TNNI3K: variants seen among roughly 807,000 people sequenced by gnomAD.
TNNI3K encodes the protein serine/threonine-protein kinase TNNI3K.
A neutral mutation model predicts 114.5 loss-of-function variants in TNNI3K; 140 were observed. The observed-to-expected ratio is 1.22, with a 90% confidence interval of 1.07 to 1.41. The LOEUF (loss-of-function observed/expected upper bound fraction) is 1.41. TNNI3K is among the 40% of genes most tolerant of loss of function. The pLI, the probability that TNNI3K is intolerant of heterozygous loss-of-function variation, is 0.00. For synonymous variants in TNNI3K, 347 were observed against 347.5 expected, an observed-to-expected ratio of 1.00 and a Z score of 0.02; for missense variants, 1,125 against 1,007.6, an observed-to-expected ratio of 1.12 and a Z score of -1.58.
chr1:74,492,878 T>C (rs527410721), intron 23 of TNNI3K, among the ~76,000 whole-genome samples: 2 of 152,306 alleles, frequency 1.3e-5, no homozygotes, highest in East Asian at 3.9e-4. Flanking sequence ...AAGCTGGAAG[T>C]CCAAGATCAG....
Position 74,382,171 on chromosome 1 carries a change from T to C in TNNI3K, c.1772+11779T>C, listed in dbSNP as rs114429478. 4.1e-3 allele frequency among the ~76,000 whole-genome samples: 625 copies of C among 152,324 alleles called. 8 individuals are homozygous for C. The highest frequency in any genetic ancestry group is 0.014 in the African/African-American group (572 of 41,586). On this transcript the variant is annotated intron_variant, in intron 17 of 24. Coordinates refer to ENST00000326637, the MANE Select transcript of TNNI3K (RefSeq NM_015978.3). ...GGAAGAATTCATCCTATCACACCTT[T>C]TTGATTCCCAAGAGACAATTCTCAA...
intron 5 of TNNI3K, among the ~76,000 whole-genome samples, chr1:74,288,047 C>T (rs1271189372): frequency 1.3e-5 from 2 of 152,040 alleles, no homozygotes; most frequent in Non-Finnish European, 2.9e-5. Context: ...GATATTACCC[C>T]ATACCATTAT....
chr1:74,301,266 G>A (rs1658315811), intron 5 of TNNI3K, among the ~76,000 whole-genome samples: 1 of 152,092 alleles, frequency 6.6e-6, no homozygotes, highest in South Asian at 2.1e-4. Context: ...CAGGCGTGGT[G>A]GTGCACGCCA....
At chr1:74,319,656 A>G (rs937673228) in intron 5 of TNNI3K, among the ~76,000 whole-genome samples, 1 of 152,300 alleles carries the variant, frequency 6.6e-6, no homozygotes, top group African/African-American at 2.4e-5. Context: ...TAGCAATGCT[A>G]TTCTCCAAAA....
intron 17 of TNNI3K, chr1:74,372,608 A>G (rs1004630654): frequency 2.0e-5 from 3 of 151,948 alleles, no homozygotes; most frequent in Non-Finnish European, 2.9e-5. Context: ...ATGATAAATT[A>G]GCATAATATA....
chr1:74,507,667 A>C (rs889318458), intron 23 of TNNI3K, among the ~76,000 whole-genome samples: 4 of 152,306 alleles, frequency 2.6e-5, no homozygotes, highest in Middle Eastern at 3.4e-3. Context: ...GTTCACTGAC[A>C]CCAACAACAT....
chr1:74,443,403 A>G (rs1260012074), intron 20 of TNNI3K, among the ~76,000 whole-genome samples: 1 of 152,172 alleles, frequency 6.6e-6, no homozygotes, highest in African/African-American at 2.4e-5. Context: ...AAACTAGACA[A>G]TCTAGAAGAA....
intron 21 of TNNI3K, among the ~76,000 whole-genome samples, chr1:74,465,853 C>T (rs1357782800): frequency 1.3e-5 from 2 of 152,096 alleles, no homozygotes; most frequent in African/African-American, 4.8e-5. Flanking sequence ...CCAATCAGCT[C>T]TCTGTAAAAT....
intron 7 of TNNI3K, among the ~76,000 whole-genome samples, chr1:74,337,901 T>G (rs1160714131): frequency 2.6e-5 from 4 of 152,136 alleles, no homozygotes; most frequent in African/African-American, 4.8e-5. Flanking sequence ...TTATATTGTT[T>G]ATGATTGCAT....
chr1:74,352,496 G>T (rs1026065268), intron 9 of TNNI3K, among the ~76,000 whole-genome samples: 6 of 152,208 alleles, frequency 3.9e-5, no homozygotes, highest in African/African-American at 1.2e-4. Context: ...CTTCAAAGCT[G>T]TCAGACAGGG....
chr1:74,350,686 C>A (rs1406843634), intron 9 of TNNI3K, among the ~76,000 whole-genome samples: 7 of 151,978 alleles, frequency 4.6e-5, no homozygotes, highest in African/African-American at 1.7e-4. Context: ...ATAGTTAGTT[C>A]TTCTTGTTGA....
In TNNI3K at chr1:74,301,672, T is replaced by C. The variant is rs1039126943; in HGVS notation, c.445-29778T>C. 6.6e-5 allele frequency among the ~76,000 whole-genome samples: 10 copies of C among 152,312 alleles called. No individual in the cohort carries two copies. The South Asian group carries it at 1.7e-3, about 25-fold the overall frequency. Reference sequence around the variant, plus strand: ...GCTAACCAAAATCTATGTTCTTTTCTTCCTCCTGGACATTCAGGAAGACTG... The same window carrying C: ...GCTAACCAAAATCTATGTTCTTTTCCTCCTCCTGGACATTCAGGAAGACTG... On this transcript the variant is annotated intron_variant, in intron 5 of 24. Coordinates refer to ENST00000326637, the MANE Select transcript of TNNI3K (RefSeq NM_015978.3).
chr1:74,464,750 T>C, intron 21 of TNNI3K: 1 of 1,564,408 alleles, frequency 6.4e-7, no homozygotes, highest in Non-Finnish European at 8.7e-7. Context: ...TAACCTCTTA[T>C]CCTGGCCATT....
At chr1:74,442,608 C>T (rs1332504636) in intron 20 of TNNI3K, among the ~76,000 whole-genome samples, 2 of 152,100 alleles carry the variant, frequency 1.3e-5, no homozygotes, top group African/African-American at 4.8e-5. Context: ...TCTCTATCTT[C>T]ACTTAGGTCT....
rs199905276 is a variant in TNNI3K at position 74,368,013 on chromosome 1, A to G, written c.1321+49A>G. The stretch of plus-strand genomic sequence containing the variant: ...TTATATTTAATTACTAAGGATAACT[A>G]TTGCTTCAAATGTAATTTTCAATTT... On this transcript the variant is annotated intron_variant, in intron 13 of 24. Coordinates refer to ENST00000326637, the MANE Select transcript of TNNI3K (RefSeq NM_015978.3). The G allele has an allele frequency of 2.8e-5, 41 of 1,477,834 alleles. No homozygotes were observed. In the South Asian group the frequency reaches 3.1e-4, roughly 11 times the overall value. 91.5% of individuals were successfully genotyped at this position (1,477,834 alleles called of 1,614,324 possible).
Position 74,290,641 on chromosome 1 carries a change from T to C in TNNI3K, c.444+18933T>C, listed in dbSNP as rs188377437. 3.2e-3 allele frequency among the ~76,000 whole-genome samples: 484 copies of C among 151,928 alleles called. 2 individuals carry two copies. The highest frequency in any genetic ancestry group is 5.4e-3 in the Non-Finnish European group (367 of 67,730). On this transcript the variant is annotated intron_variant, in intron 5 of 24. Coordinates refer to ENST00000326637, the MANE Select transcript of TNNI3K (RefSeq NM_015978.3). ...TTATACATTGACATGAAAAGACACA[T>C]ATAAAGACTTTGTGAAACATGTATA...
chr1:74,404,628 C>A (rs375194012), intron 17 of TNNI3K, among the ~76,000 whole-genome samples: 1 of 152,158 alleles, frequency 6.6e-6, no homozygotes. Context: ...TAACAAGTTC[C>A]CAGGTGAGAC....
intron 9 of TNNI3K, chr1:74,345,910 A>G (rs1660974700): frequency 6.6e-6 from 1 of 152,238 alleles, no homozygotes; most frequent in African/African-American, 2.4e-5. Context: ...TCAGAATTTC[A>G]GATAAGTATT....
intron 20 of TNNI3K, among the ~76,000 whole-genome samples, chr1:74,450,171 A>C (rs1666922573): frequency 6.7e-6 from 1 of 149,848 alleles, no homozygotes. Flanking sequence ...TACATAACGA[A>C]ATGAAGGCAG....
Sources: gnomAD v4.1 joint callset for allele counts (sites outside exome capture counted in the v4.1 genomes callset) on GRCh38, gnomAD v4.1.1 for gene constraint, MANE v1.5 for transcripts, NCBI Gene and HGNC (gene_info 2026-07-23, HGNC 2026-07-21) for gene names.